MAF: variants seen among roughly 807,000 people sequenced by gnomAD.
MAF encodes transcription factor Maf.
In MAF, 10 loss-of-function variants were observed where a neutral mutation model predicts 22.0. That is an observed-to-expected ratio of 0.45 (90% confidence interval 0.28 to 0.77). MAF has a LOEUF of 0.77. MAF is among the 30% of genes least tolerant of loss of function. The pLI, the probability that MAF is intolerant of heterozygous loss-of-function variation, is 0.12. For synonymous variants in MAF, 337 were observed against 255.8 expected, an observed-to-expected ratio of 1.32 and a Z score of -3.03; for missense variants, 544 against 548.4, an observed-to-expected ratio of 0.99 and a Z score of 0.08.
At chr16:79,255,683 G>A in the MAF span, among the ~76,000 whole-genome samples, 7 of 152,184 alleles carry the variant, frequency 4.6e-5, no homozygotes, top group Non-Finnish European at 7.4e-5. Context: ...TGGAAGAGAA[G>A]CAGACAGTGA....
chr16:79,320,736 T>C, the MAF span, among the ~76,000 whole-genome samples: 1 of 152,230 alleles, frequency 6.6e-6, no homozygotes, highest in African/African-American at 2.4e-5. Flanking sequence ...TTAAATGATA[T>C]AAAACTATAG....
the MAF span, among the ~76,000 whole-genome samples, chr16:79,449,282 TA>T: frequency 1.3e-5 from 2 of 152,204 alleles, no homozygotes; most frequent in African/African-American, 4.8e-5. Flanking sequence ...GCCCAGTTCC[TA>T]ACAGGCCATG....
the MAF span, among the ~76,000 whole-genome samples, chr16:79,285,443 G>C: frequency 6.2e-3 from 943 of 152,180 alleles, 9 homozygotes; most frequent in African/African-American, 0.022. Flanking sequence ...CTGGAAAATA[G>C]GGACAGCAGT....
At chr16:79,214,484 C>T in the MAF span, among the ~76,000 whole-genome samples, 1 of 152,164 alleles carries the variant, frequency 6.6e-6, no homozygotes, top group African/African-American at 2.4e-5. Flanking sequence ...CAGCTCACTG[C>T]AACCTCCACC....
chr16:79,301,372 G>A, the MAF span, among the ~76,000 whole-genome samples: 5 of 151,812 alleles, frequency 3.3e-5, no homozygotes, highest in Admixed American at 6.6e-5. Flanking sequence ...TGCATGAACC[G>A]GAAGCTCAAT....
chr16:79,517,367 T>C, the MAF span, among the ~76,000 whole-genome samples: 2 of 152,226 alleles, frequency 1.3e-5, no homozygotes, highest in Admixed American at 6.5e-5. Context: ...CACTTTGTCA[T>C]TGTGCTGTTT....
the MAF span, among the ~76,000 whole-genome samples, chr16:79,391,645 C>T: frequency 8.5e-5 from 13 of 152,212 alleles, no homozygotes; most frequent in South Asian, 6.2e-4. Flanking sequence ...CCCCCGGGGT[C>T]GGCTTCCCAC....
the MAF span, among the ~76,000 whole-genome samples, chr16:79,449,870 C>T: frequency 2.6e-5 from 4 of 152,226 alleles, no homozygotes; most frequent in African/African-American, 9.6e-5. Flanking sequence ...TTTCCCGCTC[C>T]TCACCCCAGA....
chr16:79,321,116 G>A, the MAF span, among the ~76,000 whole-genome samples: 1 of 152,228 alleles, frequency 6.6e-6, no homozygotes, highest in Non-Finnish European at 1.5e-5. Flanking sequence ...AGGCACAGCT[G>A]TTCTGTGCCA....
At chr16:79,479,347 C>T in the MAF span, among the ~76,000 whole-genome samples, 2 of 152,222 alleles carry the variant, frequency 1.3e-5, no homozygotes, top group African/African-American at 4.8e-5. Flanking sequence ...CATGTAGGCG[C>T]CATAAAATCC....
chr16:79,370,509 G>A, the MAF span, among the ~76,000 whole-genome samples: 1 of 152,114 alleles, frequency 6.6e-6, no homozygotes, highest in Non-Finnish European at 1.5e-5. Flanking sequence ...GCACACATCT[G>A]TTCTCTCTAA....
the MAF span, among the ~76,000 whole-genome samples, chr16:79,219,970 A>G: frequency 1.3e-5 from 2 of 152,236 alleles, no homozygotes; most frequent in Non-Finnish European, 2.9e-5. Context: ...ATGTTCTGTT[A>G]AACAAAATGT....
chr16:79,566,239 TC>T, the MAF span, among the ~76,000 whole-genome samples: 1 of 152,010 alleles, frequency 6.6e-6, no homozygotes, highest in Non-Finnish European at 1.5e-5. Context: ...ACAAAGACAA[TC>T]CCCATGCATC....
At chr16:79,463,356 C>A in the MAF span, among the ~76,000 whole-genome samples, 10 of 152,284 alleles carry the variant, frequency 6.6e-5, no homozygotes, top group East Asian at 1.7e-3. Context: ...ACTCTTGCTG[C>A]TCTTTTTAAA....
the MAF span, among the ~76,000 whole-genome samples, chr16:79,376,608 T>A: frequency 2.0e-5 from 3 of 152,172 alleles, no homozygotes; most frequent in Non-Finnish European, 4.4e-5. Context: ...ACATGTGCCA[T>A]GTTGGTTTGC....
chr16:79,255,138 A>G, the MAF span, among the ~76,000 whole-genome samples: 81 of 152,280 alleles, frequency 5.3e-4, no homozygotes, highest in South Asian at 1.0e-3. Flanking sequence ...CTTGTATCCA[A>G]TCCAATAACT....
At chr16:79,529,732 G>A in the MAF span, among the ~76,000 whole-genome samples, 5 of 152,164 alleles carry the variant, frequency 3.3e-5, no homozygotes, top group Non-Finnish European at 7.3e-5. Flanking sequence ...AGGCCGAGGC[G>A]AGTGGATTAC....
chr16:79,229,341 C>G, the MAF span: 2 of 151,656 alleles, frequency 1.3e-5, no homozygotes, highest in Non-Finnish European at 2.9e-5. Flanking sequence ...GGGCGCGAGG[C>G]TCCTCCGGAA....
chr16:79,387,849 T>A, the MAF span, among the ~76,000 whole-genome samples: 1 of 152,204 alleles, frequency 6.6e-6, no homozygotes, highest in African/African-American at 2.4e-5. Flanking sequence ...AGGATTCCAA[T>A]CAACAAATTA....
Sources: allele counts gnomAD v4.1 joint callset (sites outside exome capture counted in the v4.1 genomes callset), GRCh38; gene constraint gnomAD v4.1.1; transcripts MANE v1.5; gene names NCBI Gene and HGNC (gene_info 2026-07-23, HGNC 2026-07-21).